CHM: variants seen among roughly 807,000 people sequenced by gnomAD.
CHM encodes rab proteins geranylgeranyltransferase component A 1.
CHM carries 10 observed loss-of-function variants against 49.0 expected under a neutral mutation model. That is an observed-to-expected ratio of 0.20 (90% CI 0.13 to 0.35). The LOEUF is 0.35. CHM is among the 10% of genes least tolerant of loss of function. CHM has a pLI of 1.00. For missense variants in CHM, 455 were observed against 478.4 expected, an observed-to-expected ratio of 0.95 and a Z score of 0.46; for synonymous variants, 184 against 167.5, an observed-to-expected ratio of 1.10 and a Z score of -0.76.
chrX:86,044,292 T>C (rs1255191226), intron 1 of CHM, among the ~76,000 whole-genome samples: 1 of 112,125 alleles, frequency 8.9e-6, no homozygotes, highest in Non-Finnish European at 1.9e-5. Context: ...TTTAGGTGTT[T>C]TTCTCTTCCC....
chrX:85,877,303 T>C (rs1924477706), intron 13 of CHM, among the ~76,000 whole-genome samples: 1 of 111,632 alleles, frequency 9.0e-6, no homozygotes, highest in Non-Finnish European at 1.9e-5. Context: ...TCTGAGAACA[T>C]AACAGGTTCA....
intron 12 of CHM, among the ~76,000 whole-genome samples, chrX:85,881,566 G>T (rs1053925240): frequency 1.7e-4 from 19 of 111,741 alleles, no homozygotes; most frequent in African/African-American, 6.2e-4. Context: ...GAAGGGCTGG[G>T]ACTCAGAGCT....
At chrX:85,879,343 G>A (rs1452765756) in intron 12 of CHM, among the ~76,000 whole-genome samples, 1 of 111,792 alleles carries the variant, frequency 8.9e-6, no homozygotes, top group Non-Finnish European at 1.9e-5. Context: ...GGTAAAAAAA[G>A]GCTGAAAGTG....
chrX:85,893,129 G>T (rs1034344219), intron 12 of CHM, among the ~76,000 whole-genome samples: 1 of 111,211 alleles, frequency 9.0e-6, no homozygotes, highest in Non-Finnish European at 1.9e-5. Flanking sequence ...TGTTGTACTT[G>T]GTTAATAAAT....
intron 8 of CHM, among the ~76,000 whole-genome samples, chrX:85,922,971 G>T (rs752676533): frequency 8.9e-6 from 1 of 112,273 alleles, no homozygotes; most frequent in South Asian, 3.7e-4. Context: ...GACAGAAGTT[G>T]AGTGGGCTTG....
At chrX:85,882,459 T>C (rs1047718620) in intron 12 of CHM, among the ~76,000 whole-genome samples, 5 of 111,114 alleles carry the variant, frequency 4.5e-5, no homozygotes, top group African/African-American at 6.5e-5. Flanking sequence ...ACAGGCACCA[T>C]GTGAGATAAC....
At chrX:85,868,450 C>T (rs968154086) in intron 14 of CHM, among the ~76,000 whole-genome samples, 1 of 111,509 alleles carries the variant, frequency 9.0e-6, no homozygotes, top group African/African-American at 3.3e-5. Flanking sequence ...AGAAGCAGGA[C>T]CTAGATCAGA....
chrX:85,995,363 G>C (rs1265520567), intron 2 of CHM, among the ~76,000 whole-genome samples: 1 of 108,416 alleles, frequency 9.2e-6, no homozygotes, highest in Non-Finnish European at 1.9e-5. Flanking sequence ...TAACTCGCTG[G>C]ACCCTCACAG....
chrX:86,018,643 C>G lies in CHM; in HGVS notation c.116+8848G>C, dbSNP rs541604190. Among the ~76,000 whole-genome samples, 20 of 112,123 alleles carry G rather than the reference C, an allele frequency of 1.8e-4. No homozygotes were observed. In the South Asian group the frequency reaches 7.0e-3, roughly 39 times the overall value. Reference sequence around the variant, plus strand: ...AAAAAATAGAATCACTCCAGGTACCCTTCAACAGAGGAATACTTATACAAA... The same window carrying G: ...AAAAAATAGAATCACTCCAGGTACCGTTCAACAGAGGAATACTTATACAAA... On this transcript the variant is annotated intron_variant, in intron 2 of 14. Coordinates refer to ENST00000357749, the MANE Select transcript of CHM (RefSeq NM_000390.4).
intron 12 of CHM, among the ~76,000 whole-genome samples, chrX:85,888,662 A>G (rs1362206438): frequency 9.0e-6 from 1 of 111,497 alleles, no homozygotes; most frequent in Non-Finnish European, 1.9e-5. Context: ...TCCAAGTAAG[A>G]GCCATAGAAA....
chrX:85,993,666 C>G (rs1932312066), intron 2 of CHM, among the ~76,000 whole-genome samples: 1 of 111,849 alleles, frequency 8.9e-6, no homozygotes, highest in South Asian at 3.8e-4. Flanking sequence ...TTAGTGCCAA[C>G]CTAACTCCCC....
At position 85,958,908 on chromosome X, in the gene CHM, T is replaced by C; in HGVS notation, c.772A>G (p.Lys258Glu). 3.3e-6 allele frequency: 4 copies of C among 1,211,686 alleles called. No individual in the cohort carries two copies. The highest frequency in any genetic ancestry group is 4.5e-6 in the Non-Finnish European group (4 of 895,444). The change falls in exon 6 of 15, where the codon AAA becomes GAA. Residue 258 changes from lysine (K) to glutamate (E), a missense_variant. Coordinates refer to ENST00000357749, the MANE Select transcript of CHM (RefSeq NM_000390.4). ...KSNVSRYAEFKNITRILAFRE... is the reference protein window; with the variant it reads ...KSNVSRYAEFENITRILAFRE... ...AATGCAAGAATCCTGGTAATATTTT[T>C]AAACTCTGCATATCGACTAACATTA... is the stretch of plus-strand genomic sequence containing the variant.
rs767799690 is a variant in CHM, at chrX:85,986,967, A to T, written c.117-5158T>A. ...TGAAGGATGAAACAGCTGGAAAAAA[A>T]AAAAACTAACAAATCTGACAAAGTG... On this transcript the variant is annotated intron_variant, in intron 2 of 14. Transcript: ENST00000357749. 1.1e-4 allele frequency among the ~76,000 whole-genome samples: 12 copies of T among 111,873 alleles called. No individual in the cohort carries two copies. The South Asian group carries it at 3.7e-3, about 35-fold the overall frequency.
At chrX:85,885,184 C>T (rs1302834629) in intron 12 of CHM, among the ~76,000 whole-genome samples, 1 of 110,273 alleles carries the variant, frequency 9.1e-6, no homozygotes, top group Non-Finnish European at 1.9e-5. Context: ...TTAATATGTA[C>T]TTAAAGACAA....
In CHM at chrX:85,961,376, C is replaced by T. The variant is rs868228247; in HGVS notation, c.702+2289G>A. On this transcript the variant is annotated intron_variant, in intron 5 of 14. Transcript: ENST00000357749. ...CGGAGGTTGCAGTGAGCAGAGATGG[C>T]GCCACTGCACTCCAGCCTGGCAACA... Among the ~76,000 whole-genome samples, 10 of 95,956 alleles carry T rather than the reference C, an allele frequency of 1.0e-4. No homozygotes were observed. In the Admixed American group the frequency reaches 1.1e-3, roughly 11 times the overall value. The allele number at this position is 95,956 out of a possible 115,157, so 83.3% of individuals were successfully genotyped here.
chrX:85,969,469 T>C (rs747736063), intron 4 of CHM: 2 of 701,182 alleles, frequency 2.9e-6, no homozygotes, highest in Admixed American at 1.8e-4. Flanking sequence ...AACTATTACA[T>C]GGTAAGAAAG....
chrX:85,890,752 C>T (rs1039150858), intron 12 of CHM, among the ~76,000 whole-genome samples: 1 of 111,382 alleles, frequency 9.0e-6, no homozygotes, highest in Non-Finnish European at 1.9e-5. Flanking sequence ...AATCAGTCCC[C>T]GTAGAGTGAG....
intron 8 of CHM, among the ~76,000 whole-genome samples, chrX:85,938,559 T>G (rs1050653221): frequency 1.1e-4 from 12 of 108,847 alleles, no homozygotes; most frequent in African/African-American, 3.7e-4. Context: ...TTTTTTTTTT[T>G]TGGTGGTGGG....
intron 2 of CHM, among the ~76,000 whole-genome samples, chrX:85,985,132 G>A (rs190044502): frequency 1.6e-4 from 18 of 112,185 alleles, no homozygotes; most frequent in East Asian, 1.1e-3. Flanking sequence ...AAAGGGAGCC[G>A]CATTGCACAC....
Sources: gnomAD v4.1 joint callset for allele counts (sites outside exome capture counted in the v4.1 genomes callset) on GRCh38, gnomAD v4.1.1 for gene constraint, MANE v1.5 for transcripts, NCBI Gene and HGNC (gene_info 2026-07-23, HGNC 2026-07-21) for gene names.